The following MAP4K1 variants were observed in gnomAD, a reference collection of about 807,000 sequenced individuals.
MAP4K1 encodes MAPK/ERK kinase kinase kinase 1.
A neutral mutation model predicts 122.8 loss-of-function variants in MAP4K1; 35 were observed. The observed-to-expected ratio is 0.29, with a 90% CI of 0.22 to 0.38. The LOEUF (loss-of-function observed/expected upper bound fraction) is 0.38. Among genes scored for constraint, MAP4K1 ranks in the 10% least tolerant of loss-of-function variants. The probability of loss-of-function intolerance (pLI) is 1.00; values close to 1 mark genes in which losing one functional copy is unlikely to be tolerated. For synonymous variants in MAP4K1, 412 were observed against 421.3 expected, an observed-to-expected ratio of 0.98 and a Z score of 0.27; for missense variants, 791 against 1,072.6, an observed-to-expected ratio of 0.74 and a Z score of 3.67.
chr19:38,591,757 G>C (rs1974733753), intron 30 of MAP4K1, among the ~76,000 whole-genome samples: 1 of 151,934 alleles, frequency 6.6e-6, no homozygotes, highest in Non-Finnish European at 1.5e-5. Flanking sequence ...GATCACCTGA[G>C]ATCAGGGGTT....
intron 20 of MAP4K1, among the ~76,000 whole-genome samples, chr19:38,601,172 C>T (rs1456253020): frequency 2.0e-5 from 3 of 151,998 alleles, no homozygotes; most frequent in African/African-American, 4.8e-5. Context: ...TGGTCTTGAA[C>T]TCCTGACCTC....
chr19:38,610,353 G>A lies in MAP4K1; in HGVS notation c.811-328C>T, dbSNP rs111387047. ...CCCGAGTGGCTGTGATTACAGGCTC[G>A]TGCCACCACGCCCAGCTAATTTTTT... On this transcript the variant is annotated intron_variant, in intron 11 of 30. Transcript: ENST00000396857. Among the ~76,000 whole-genome samples the A allele has an allele frequency of 5.0e-3, 735 of 146,378 alleles. 1 individual carries two copies. The highest frequency in any genetic ancestry group is 0.018 in the African/African-American group (688 of 39,066).
At chr19:38,612,551 G>T in intron 9 of MAP4K1, 60 bp downstream of exon 9, 1 of 1,521,210 alleles carries the variant, frequency 6.6e-7, no homozygotes, top group Non-Finnish European at 8.9e-7. Context: ...GAAGCTGAGG[G>T]TGGGCTTTGG....
chr19:38,595,824 CAG>C, intron 27 of MAP4K1, 95 bp from the exon 28 acceptor site: 1 of 1,493,242 alleles, frequency 6.7e-7, no homozygotes, highest in South Asian at 1.1e-5. Context: ...CTATGTAGGA[CAG>C]GGGCAAGGCC....
intron 9 of MAP4K1, 117 bp from the exon 10 acceptor site, chr19:38,611,422 A>G (rs1975495511): frequency 1.2e-5 from 9 of 729,080 alleles, no homozygotes; most frequent in Non-Finnish European, 2.2e-5. Flanking sequence ...AACAGCATGG[A>G]AGTGAGGTTC....
chr19:38,598,895 C>A (rs906652293), intron 22 of MAP4K1, among the ~76,000 whole-genome samples: 1 of 149,852 alleles, frequency 6.7e-6, no homozygotes, highest in African/African-American at 2.5e-5. Flanking sequence ...TGCCTGTAAT[C>A]CCAGCTACTT....
intron 19 of MAP4K1, among the ~76,000 whole-genome samples, chr19:38,604,617 C>T (rs1033343252): frequency 1.3e-5 from 2 of 151,478 alleles, no homozygotes; most frequent in East Asian, 1.9e-4. Context: ...GGTGAAACCC[C>T]GTCTCTACTA....
intron 29 of MAP4K1, among the ~76,000 whole-genome samples, chr19:38,593,943 C>T (rs1427432491): frequency 1.3e-5 from 2 of 152,112 alleles, no homozygotes; most frequent in Non-Finnish European, 2.9e-5. Flanking sequence ...AGTGTAAGGG[C>T]AAAGTCTGAC....
intron 19 of MAP4K1, among the ~76,000 whole-genome samples, chr19:38,604,644 G>A (rs1461796744): frequency 6.6e-6 from 1 of 151,756 alleles, no homozygotes; most frequent in Admixed American, 6.6e-5. Context: ...CAAAAAATTA[G>A]CCGGGCCTGG....
At chr19:38,608,199 T>C (rs771258706) in intron 13 of MAP4K1, 29 bp from the exon 14 acceptor site, 3 of 1,329,878 alleles carry the variant, frequency 2.3e-6, no homozygotes, top group Non-Finnish European at 3.1e-6. Context: ...GATAACCTGC[T>C]GTGAGCTGGG....
intron 4 of MAP4K1, among the ~76,000 whole-genome samples, chr19:38,615,546 G>C (rs961392449): frequency 6.6e-6 from 1 of 152,032 alleles, no homozygotes; most frequent in Non-Finnish European, 1.5e-5. Context: ...AGAGGGTAAC[G>C]AGGTAAGAAC....
At chr19:38,590,656 C>T (rs866781323) in intron 30 of MAP4K1, among the ~76,000 whole-genome samples, 1 of 151,178 alleles carries the variant, frequency 6.6e-6, no homozygotes, top group Non-Finnish European at 1.5e-5. Flanking sequence ...TGTATTTTTA[C>T]TAGAGGTGGG....
chr19:38,598,132 G>A (rs1392732406), intron 22 of MAP4K1, among the ~76,000 whole-genome samples: 4 of 151,930 alleles, frequency 2.6e-5, no homozygotes, highest in South Asian at 2.1e-4. Context: ...CCAGGTTCAA[G>A]CAATTCTCAT....
At chr19:38,604,163 GAGT>G (rs1975254389) in intron 19 of MAP4K1, among the ~76,000 whole-genome samples, 1 of 145,908 alleles carries the variant, frequency 6.9e-6, no homozygotes, top group African/African-American at 2.5e-5. Context: ...AGACTTTAGA[GAGT>G]TCTAATTCAT....
intron 4 of MAP4K1, chr19:38,614,647 GCA>G: frequency 1.6e-6 from 1 of 617,408 alleles, no homozygotes; most frequent in Non-Finnish European, 2.9e-6. Context: ...TAGGCCTGGC[GCA>G]GTGGCTCATG....
chr19:38,593,929 C>A (rs1488792159), intron 29 of MAP4K1, among the ~76,000 whole-genome samples: 1 of 152,098 alleles, frequency 6.6e-6, no homozygotes, highest in East Asian at 1.9e-4. Context: ...AATAAAAATA[C>A]TAAAGTGTAA....
At chr19:38,610,066 T>A (rs1175092183) in intron 11 of MAP4K1, 41 bp from the exon 12 acceptor site, 4 of 1,428,940 alleles carry the variant, frequency 2.8e-6, no homozygotes, top group Admixed American at 3.4e-5. Flanking sequence ...AGGGATGGTG[T>A]GGACAGAGAG....
At chr19:38,595,437 G>A (rs1178458347) in intron 29 of MAP4K1, 48 bp downstream of exon 29, 1 of 1,595,088 alleles carries the variant, frequency 6.3e-7, no homozygotes. Flanking sequence ...TGAATGTCAT[G>A]ATGGAGGCTG....
chr19:38,616,090 A>T, intron 4 of MAP4K1, 105 bp downstream of exon 4: 1 of 752,624 alleles, frequency 1.3e-6, no homozygotes, highest in Non-Finnish European at 2.1e-6. Context: ...CCAGAAAGAC[A>T]GTTCCTGTGA....
Sources: allele counts gnomAD v4.1 joint callset (sites outside exome capture counted in the v4.1 genomes callset), GRCh38; gene constraint gnomAD v4.1.1; transcripts MANE v1.5; gene names NCBI Gene and HGNC (gene_info 2026-07-23, HGNC 2026-07-21).